The following GRK5 variants were observed in gnomAD, a reference collection of about 807,000 sequenced individuals.
GRK5 encodes g protein-coupled receptor kinase GRK5.
In GRK5, 40 loss-of-function variants were observed where a neutral mutation model predicts 78.4. The ratio of observed to expected loss-of-function variants is 0.51; its 90% CI spans 0.40 to 0.66. The LOEUF (loss-of-function observed/expected upper bound fraction) is 0.66. Among genes scored for constraint, GRK5 ranks in the 30% least tolerant of loss-of-function variants. The pLI is 0.00. For synonymous variants in GRK5, 289 were observed against 296.8 expected (o/e 0.97, Z 0.27); for missense variants, 598 against 759.9 (o/e 0.79, Z 2.50).
intron 3 of GRK5, among the ~76,000 whole-genome samples, chr10:119,389,336 T>C (rs948441686): frequency 6.6e-6 from 1 of 152,240 alleles, no homozygotes; most frequent in African/African-American, 2.4e-5. Context: ...TTTATGAGAA[T>C]CCAGTATTTG....
chr10:119,207,822 G>A lies in GRK5; in HGVS notation c.-96G>A. On this transcript the variant is annotated 5_prime_UTR_variant, in exon 1 of 16. Transcript: ENST00000392870. ...GCTGCTGGCTCCCCCGGCTCCGGCAGCAGCGGCGGCAGCCCGAGCAGCGGC... is the reference window on the plus strand; with the variant it reads ...GCTGCTGGCTCCCCCGGCTCCGGCAACAGCGGCGGCAGCCCGAGCAGCGGC... 1 of 1,212,814 alleles carries A rather than the reference G, an allele frequency of 8.2e-7. No individual in the cohort carries two copies. The highest frequency in any genetic ancestry group is 1.1e-6 in the Non-Finnish European group (1 of 873,508). 75.1% of individuals were successfully genotyped at this position (1,212,814 alleles called of 1,614,324 possible).
chr10:119,301,883 C>T (rs1017894176), intron 1 of GRK5, among the ~76,000 whole-genome samples: 1 of 152,208 alleles, frequency 6.6e-6, no homozygotes, highest in African/African-American at 2.4e-5. Flanking sequence ...GTCTTGAGTT[C>T]CAGGATTCCC....
intron 1 of GRK5, among the ~76,000 whole-genome samples, chr10:119,287,928 A>G (rs2133698876): frequency 6.6e-6 from 1 of 152,248 alleles, no homozygotes; most frequent in Middle Eastern, 3.4e-3. Context: ...TCTGATCCCA[A>G]AGCCCTGCTC....
rs896331434 is a variant in GRK5, at chr10:119,253,353, T to C, written c.52+45384T>C. The stretch of plus-strand genomic sequence containing the variant: ...CAGGTCACTGATGTCTTCTCCTAAC[T>C]CAGTGATCTCCACAGCCCCCTGGAT... On this transcript the variant is annotated intron_variant, in intron 1 of 15. Transcript: ENST00000392870. The surrounding 1 kb of genome is among the most constrained non-coding windows in gnomAD (Gnocchi z 5.7). Among the ~76,000 whole-genome samples the C allele has an allele frequency of 5.9e-5, 9 of 152,156 alleles. No homozygotes were observed. Among genetic ancestry groups the C allele is most frequent in the African/African-American group, 2.2e-4 (9 of 41,440 alleles).
intron 1 of GRK5, among the ~76,000 whole-genome samples, chr10:119,209,462 G>A (rs370133312): frequency 6.7e-6 from 1 of 148,602 alleles, no homozygotes; most frequent in East Asian, 2.0e-4. Context: ...CAGGTTCTAA[G>A]GCCTGAGCTG....
chr10:119,454,927 C>A (rs1264080260), intron 15 of GRK5, 42 bp from the exon 16 acceptor site: 2 of 1,353,630 alleles, frequency 1.5e-6, no homozygotes, highest in Admixed American at 1.7e-5. Context: ...CCAGGACTGA[C>A]TTCTGTTCTC....
chr10:119,346,402 T>C (rs1338826734), intron 2 of GRK5, among the ~76,000 whole-genome samples: 5 of 152,230 alleles, frequency 3.3e-5, no homozygotes, highest in African/African-American at 9.6e-5. Flanking sequence ...TTCAGTTATT[T>C]ACTGACCATG....
rs191603015 is a variant in GRK5 at position 119,281,195 on chromosome 10, T to G, written c.53-45321T>G. On this transcript the variant is annotated intron_variant, in intron 1 of 15. Transcript: ENST00000392870. ...TCTAGATGGATTTGCCACCATGTGC[T>G]GCCTCCATGCTTGGGCTGGGTCATT... Among the ~76,000 whole-genome samples, 122 of 132,510 alleles carry G rather than the reference T, an allele frequency of 9.2e-4. 2 individuals carry two copies. The East Asian group carries it at 0.022, about 24-fold the overall frequency. The allele number at this position is 132,510 out of a possible 152,430, so 86.9% of individuals were successfully genotyped here. A position where few individuals can be genotyped will look rare whatever the true frequency, so the allele number is the denominator to read the frequency against.
intron 9 of GRK5, among the ~76,000 whole-genome samples, chr10:119,437,648 A>G (rs1282537556): frequency 2.0e-5 from 3 of 152,292 alleles, no homozygotes; most frequent in East Asian, 3.9e-4. Flanking sequence ...GGAATTTTCT[A>G]TCATTTCCTT....
chr10:119,294,407 A>G (rs1011751844), intron 1 of GRK5, among the ~76,000 whole-genome samples: 4 of 152,126 alleles, frequency 2.6e-5, no homozygotes, highest in Non-Finnish European at 5.9e-5. Flanking sequence ...GTTGCAGGGA[A>G]ATGTTGAATC....
intron 10 of GRK5, among the ~76,000 whole-genome samples, chr10:119,441,284 A>G (rs1853029495): frequency 6.6e-6 from 1 of 152,190 alleles, no homozygotes; most frequent in Admixed American, 6.5e-5. Context: ...CCTTGCTGAC[A>G]TCTAGGCTGG....
chr10:119,425,013 G>C lies in GRK5; in HGVS notation c.461G>C (p.Arg154Thr). Residue 154 changes from arginine to threonine, a missense_variant, in exon 6 of 16, where the codon AGG becomes ACG. Arg to Thr is a moderately conservative substitution (Grantham distance 71). Transcript: ENST00000392870. ...ACTAGGTCTGTCCACGAGTACCTGA[G>C]GGGAGAACCATTCCACGAATATCTG... ...ACAQSVHEYL[R>T]GEPFHEYLDS... 3.1e-6 allele frequency: 5 copies of C among 1,613,418 alleles called. No homozygotes were observed. Among genetic ancestry groups the C allele is most frequent in the Non-Finnish European group, 4.2e-6 (5 of 1,179,392 alleles).
intron 1 of GRK5, among the ~76,000 whole-genome samples, chr10:119,302,534 G>A (rs942405850): frequency 6.6e-6 from 1 of 152,208 alleles, no homozygotes; most frequent in African/African-American, 2.4e-5. Context: ...TGGAGGATGG[G>A]GCTGGGGCCT....
intron 3 of GRK5, among the ~76,000 whole-genome samples, chr10:119,394,186 CTGTGTA>C (rs1851944943): frequency 1.3e-4 from 2 of 15,534 alleles, no homozygotes; most frequent in African/African-American, 2.4e-4. Flanking sequence ...GTGTGGGTGT[CTGTGTA>C]TGGGGGTGTG....
chr10:119,361,162 C>G (rs1021045845), intron 2 of GRK5, among the ~76,000 whole-genome samples: 1 of 152,232 alleles, frequency 6.6e-6, no homozygotes, highest in African/African-American at 2.4e-5. Flanking sequence ...TTCTGTCCAG[C>G]AGGACCGGGC....
At chr10:119,236,302 G>A (rs1848926965) in intron 1 of GRK5, among the ~76,000 whole-genome samples, 1 of 151,872 alleles carries the variant, frequency 6.6e-6, no homozygotes. Flanking sequence ...TGCAAGCTCC[G>A]CCTCCCGGGT....
intron 1 of GRK5, among the ~76,000 whole-genome samples, chr10:119,265,351 G>A (rs1464137322): frequency 6.6e-6 from 1 of 152,184 alleles, no homozygotes; most frequent in African/African-American, 2.4e-5. Context: ...GGTGCTATGG[G>A]CCTAATGTTT....
chr10:119,275,684 T>C (rs1438966300), intron 1 of GRK5, among the ~76,000 whole-genome samples: 1 of 151,850 alleles, frequency 6.6e-6, no homozygotes, highest in Non-Finnish European at 1.5e-5. Context: ...ACTGTGCTTT[T>C]GGCTGCTGCT....
Position 119,448,225 on chromosome 10 carries a change from G to A in GRK5, c.1369G>A (p.Glu457Lys), listed in dbSNP as rs765307793. ...FFRNMNFKRL[E>K]AGMLDPPFVP... ...CAGGAACATGAACTTCAAGCGCTTAGAAGCCGGGATGTTGGACCCTCCCTT... is the reference window on the plus strand; with the variant it reads ...CAGGAACATGAACTTCAAGCGCTTAAAAGCCGGGATGTTGGACCCTCCCTT... The change falls in exon 13 of 16, where the codon GAA becomes AAA. Residue 457 changes from glutamate to lysine, a missense_variant. Coordinates refer to ENST00000392870, the MANE Select transcript of GRK5 (RefSeq NM_005308.3). 3.1e-5 allele frequency: 49 copies of A among 1,598,210 alleles called. 2 individuals carry two copies. Among genetic ancestry groups the A allele is most frequent in the Non-Finnish European group, 3.7e-5 (43 of 1,173,314 alleles).
Sources: gnomAD v4.1 joint callset for allele counts (sites outside exome capture counted in the v4.1 genomes callset) on GRCh38, gnomAD v4.1.1 for gene constraint, Gnocchi (gnomAD v3.1) non-coding constraint, MANE v1.5 for transcripts, NCBI Gene and HGNC (gene_info 2026-07-23, HGNC 2026-07-21) for gene names.